Variants in NCOA3 observed in about 807,000 individuals in gnomAD.
The protein encoded by NCOA3 is CBP-interacting protein.
Under a neutral mutation model 158.8 loss-of-function variants are expected in NCOA3, and 51 were observed. That is an observed-to-expected ratio of 0.32 (90% CI 0.26 to 0.41). NCOA3 has a LOEUF of 0.41. Among genes scored for constraint, NCOA3 ranks in the 10% least tolerant of loss-of-function variants. The pLI is 1.00. For synonymous variants in NCOA3, 537 were observed against 592.4 expected (o/e 0.91, Z 1.36); for missense variants, 1,510 against 1,746.6 (o/e 0.86, Z 2.41).
chr20:47,646,201 T>C (rs1394295732), intron 17 of NCOA3, among the ~76,000 whole-genome samples: 2 of 152,246 alleles, frequency 1.3e-5, no homozygotes. Context: ...TAATACAATG[T>C]AAATGTTATG....
intron 8 of NCOA3, chr20:47,628,907 A>G (rs1673374719): frequency 6.6e-6 from 1 of 152,196 alleles, no homozygotes; most frequent in Non-Finnish European, 1.5e-5. Context: ...AGGGTTTGTC[A>G]TATATGCCCC....
intron 1 of NCOA3, among the ~76,000 whole-genome samples, chr20:47,538,725 T>C (rs1247935782): frequency 2.0e-5 from 3 of 152,132 alleles, no homozygotes; most frequent in Non-Finnish European, 4.4e-5. Flanking sequence ...TTTGTAATTT[T>C]AGTAGAGACA....
At position 47,536,953 on chromosome 20, in the gene NCOA3, G is replaced by A. The variant is rs1000515005; in HGVS notation, c.-99+34934G>A. Among the ~76,000 whole-genome samples the A allele has an allele frequency of 2.6e-5, 4 of 151,626 alleles. No individual in the cohort carries two copies. The East Asian group carries it at 5.8e-4, about 22-fold the overall frequency. Reference sequence around the variant, plus strand: ...TGAGTAGCTGGGATTACAGGTGTGCGCCACCATGCCCGGCTAATTTTTTTT... The same window carrying A: ...TGAGTAGCTGGGATTACAGGTGTGCACCACCATGCCCGGCTAATTTTTTTT... On this transcript the variant is annotated intron_variant, in intron 1 of 22. Coordinates refer to ENST00000371998, the MANE Select transcript of NCOA3 (RefSeq NM_181659.3).
intron 1 of NCOA3, among the ~76,000 whole-genome samples, chr20:47,558,242 T>C: frequency 9.1e-6 from 1 of 109,526 alleles, no homozygotes; most frequent in Non-Finnish European, 1.9e-5. Context: ...ATTTTTTTTT[T>C]TTTTTTTTTT....
At position 47,655,426 on chromosome 20, in the gene NCOA3, A is replaced by T. The variant is rs377697437; in HGVS notation, c.*2009A>T. On this transcript the variant is annotated 3_prime_UTR_variant, in exon 23 of 23. Transcript: ENST00000371998. ...CTTTCTAGATGTCTCTGAAGGTAAG[A>T]TCATTTAATATCTTTGATATGCTTA... 1 of 152,238 alleles carries T rather than the reference A, an allele frequency of 6.6e-6. No individual in the cohort carries two copies. The highest frequency in any genetic ancestry group is 1.5e-5 in the Non-Finnish European group (1 of 68,046). 9.4% of individuals were successfully genotyped at this position (152,238 alleles called of 1,614,324 possible). A position where few individuals can be genotyped will look rare whatever the true frequency, so the allele number is the denominator to read the frequency against.
At chr20:47,629,331 CTT>C (rs754326972) in intron 8 of NCOA3, among the ~76,000 whole-genome samples, 11 of 142,888 alleles carry the variant, frequency 7.7e-5, no homozygotes, top group Admixed American at 1.4e-4. Context: ...ATGGATGTTA[CTT>C]TTTTTTTTTT....
At chr20:47,626,819 T>G (rs920581776) in intron 5 of NCOA3, among the ~76,000 whole-genome samples, 183 bp from the exon 6 acceptor site, 1 of 152,184 alleles carries the variant, frequency 6.6e-6, no homozygotes, top group Non-Finnish European at 1.5e-5. Context: ...TCTCCCCTTA[T>G]AGGATACCAG....
At chr20:47,560,906 T>C (rs140900267) in intron 1 of NCOA3, among the ~76,000 whole-genome samples, 94 of 152,020 alleles carry the variant, frequency 6.2e-4, no homozygotes, top group African/African-American at 2.1e-3. Context: ...TGGTGATTTC[T>C]GAGTTTTTAG....
rs575531959 is a variant in NCOA3 at position 47,555,725 on chromosome 20, G to A, written c.-98-27458G>A. Among the ~76,000 whole-genome samples the A allele has an allele frequency of 1.4e-4, 18 of 130,446 alleles. 1 individual carries two copies. In the South Asian group the frequency reaches 4.6e-3, roughly 34 times the overall value. 85.6% of individuals were successfully genotyped at this position (130,446 alleles called of 152,430 possible). A position where few individuals can be genotyped will look rare whatever the true frequency, so the allele number is the denominator to read the frequency against. On this transcript the variant is annotated intron_variant, in intron 1 of 22. Transcript: ENST00000371998. ...ACTATCTCGGTTCACTGCAAGCTCCGCCTCCCAGGTTCATGCCATTCTCCT... is the reference window on the plus strand; with the variant it reads ...ACTATCTCGGTTCACTGCAAGCTCCACCTCCCAGGTTCATGCCATTCTCCT...
intron 2 of NCOA3, among the ~76,000 whole-genome samples, chr20:47,604,103 A>G (rs6018578): frequency 0.46 from 70,545 of 151,774 alleles, 16,932 homozygotes; most frequent in Middle Eastern, 0.62. Context: ...GCCAAATTCC[A>G]TTTTTCTTAA....
In NCOA3 at chr20:47,650,912, G is replaced by C. The variant is rs1310144355; in HGVS notation, c.3652-70G>C. The C allele has an allele frequency of 1.2e-5, 17 of 1,405,690 alleles. No homozygotes were observed. The Admixed American group carries it at 3.0e-4, about 25-fold the overall frequency. 87.1% of individuals were successfully genotyped at this position (1,405,690 alleles called of 1,614,324 possible). A position where few individuals can be genotyped will look rare whatever the true frequency, so the allele number is the denominator to read the frequency against. The stretch of plus-strand genomic sequence containing the variant: ...CTGTCTTATACCTGGTGTATTGTGG[G>C]GGTACTATATGTATGCAACTGGCAG... On this transcript the variant is annotated intron_variant, in intron 19 of 22. Transcript: ENST00000371998.
intron 3 of NCOA3, 87 bp downstream of exon 3, chr20:47,622,417 C>T (rs2086256618): frequency 1.4e-5 from 13 of 908,444 alleles, no homozygotes; most frequent in South Asian, 9.8e-5. Flanking sequence ...TTTACATTCT[C>T]TGGTTAGATT....
chr20:47,545,700 C>T (rs1486807023), intron 1 of NCOA3, among the ~76,000 whole-genome samples: 1 of 150,402 alleles, frequency 6.6e-6, no homozygotes, highest in African/African-American at 2.4e-5. Context: ...TCCTACTATA[C>T]ATATATTGGA....
At chr20:47,631,744 C>T (rs1412155598) in intron 8 of NCOA3, among the ~76,000 whole-genome samples, 9 of 152,176 alleles carry the variant, frequency 5.9e-5, no homozygotes, top group East Asian at 1.9e-4. Flanking sequence ...AGAATCTCTT[C>T]GGACAAACAA....
rs2086520566 is a variant in NCOA3 at position 47,636,597 on chromosome 20, T to A, written c.2211T>A (p.Leu737=). ...LSPKKKENNA[L]LRYLLDRDDP... ...CTAAGAAGAAGGAGAATAATGCACT[T>A]CTTAGATACCTGCTGGACAGGGATG... Residue 737 remains leucine (L), a synonymous_variant, in exon 12 of 23, where the codon CTT becomes CTA. Coordinates refer to ENST00000371998, the MANE Select transcript of NCOA3 (RefSeq NM_181659.3). 1 of 1,614,022 alleles carries A rather than the reference T, an allele frequency of 6.2e-7. No homozygotes were observed. The highest frequency in any genetic ancestry group is 1.3e-5 in the African/African-American group (1 of 74,910).
intron 1 of NCOA3, among the ~76,000 whole-genome samples, chr20:47,564,767 G>T (rs939036408): frequency 2.0e-5 from 3 of 152,032 alleles, no homozygotes; most frequent in South Asian, 2.1e-4. Flanking sequence ...TGCTTGGAAG[G>T]GTTGTGCACG....
chr20:47,638,367 G>T (rs974618328), intron 13 of NCOA3, among the ~76,000 whole-genome samples: 6 of 152,140 alleles, frequency 3.9e-5, no homozygotes, highest in Admixed American at 6.5e-5. Flanking sequence ...CCAAGATTGC[G>T]CCACTGCACT....
chr20:47,611,560 G>A (rs1365926328), intron 2 of NCOA3, among the ~76,000 whole-genome samples: 1 of 152,104 alleles, frequency 6.6e-6, no homozygotes, highest in Non-Finnish European at 1.5e-5. Flanking sequence ...GGGAGGCTGG[G>A]GTAGGTTGGT....
chr20:47,624,746 T>C (rs1250383455), intron 4 of NCOA3, among the ~76,000 whole-genome samples: 1 of 152,110 alleles, frequency 6.6e-6, no homozygotes, highest in Non-Finnish European at 1.5e-5. Flanking sequence ...TAGACAAATG[T>C]GTTGACCAGC....
Sources: allele counts gnomAD v4.1 joint callset (sites outside exome capture counted in the v4.1 genomes callset), GRCh38; gene constraint gnomAD v4.1.1; transcripts MANE v1.5; gene names NCBI Gene and HGNC (gene_info 2026-07-23, HGNC 2026-07-21).